The following FHIT variants were observed in gnomAD, a reference collection of about 807,000 sequenced individuals.
The protein encoded by FHIT is bis(5'-adenosyl)-triphosphatase.
Under a neutral mutation model 17.9 loss-of-function variants are expected in FHIT, and 19 were observed. That is an observed-to-expected ratio of 1.06 (90% confidence interval 0.74 to 1.56). The LOEUF is 1.56. Among genes scored for constraint, FHIT ranks in the 40% most tolerant of loss-of-function variants. The pLI, the probability that FHIT is intolerant of heterozygous loss-of-function variation, is 0.00. For missense variants in FHIT, 248 were observed against 189.2 expected (o/e 1.31, Z -1.82); for synonymous variants, 81 against 69.7 (o/e 1.16, Z -0.81).
intron 4 of FHIT, among the ~76,000 whole-genome samples, chr3:60,670,349 G>A (rs2040478792): frequency 6.6e-6 from 1 of 152,138 alleles, no homozygotes; most frequent in Non-Finnish European, 1.5e-5. Flanking sequence ...AGTGAATGAG[G>A]CACTTTCCTC....
At chr3:60,425,866 A>G (rs1702644180) in intron 5 of FHIT, among the ~76,000 whole-genome samples, 1 of 152,114 alleles carries the variant, frequency 6.6e-6, no homozygotes, top group African/African-American at 2.4e-5. Context: ...ATTTATTGAT[A>G]GCCATCCCAT....
At chr3:59,909,572 C>T (rs377761840) in intron 8 of FHIT, among the ~76,000 whole-genome samples, 18 of 152,270 alleles carry the variant, frequency 1.2e-4, no homozygotes, top group Non-Finnish European at 1.8e-4. Flanking sequence ...TCAAGTGATC[C>T]GTCCGCCTCT....
chr3:60,124,065 G>C (rs112362796), intron 5 of FHIT, among the ~76,000 whole-genome samples: 3,961 of 107,604 alleles, frequency 0.037, 276 homozygotes, highest in African/African-American at 0.12. Flanking sequence ...GACAGAGAGA[G>C]AGAGAGATAC....
chr3:60,187,483 G>A (rs539707973), intron 5 of FHIT, among the ~76,000 whole-genome samples: 2 of 152,240 alleles, frequency 1.3e-5, no homozygotes, highest in East Asian at 1.9e-4. Context: ...TGTGAAACAC[G>A]CAATGTAAAG....
chr3:60,012,263 G>GTTT (rs1416490274), intron 6 of FHIT, among the ~76,000 whole-genome samples: 6 of 118,960 alleles, frequency 5.0e-5, no homozygotes, highest in South Asian at 2.7e-4. Context: ...TGTTTTTTTT[G>GTTT]TTGTTTTTTT....
chr3:60,384,649 A>G (rs1451165692), intron 5 of FHIT, among the ~76,000 whole-genome samples: 3 of 152,118 alleles, frequency 2.0e-5, no homozygotes, highest in East Asian at 3.9e-4. Context: ...CACTCACATA[A>G]AAACTGCCAA....
chr3:60,359,981 C>CTT (rs368086333), intron 5 of FHIT, among the ~76,000 whole-genome samples: 6 of 132,920 alleles, frequency 4.5e-5, no homozygotes, highest in South Asian at 2.4e-4. Flanking sequence ...ACATTCAAGA[C>CTT]TTTTTTTTTT....
At chr3:61,130,877 TA>T (rs2036743148) in intron 2 of FHIT, among the ~76,000 whole-genome samples, 1 of 152,196 alleles carries the variant, frequency 6.6e-6, no homozygotes, top group Non-Finnish European at 1.5e-5. Flanking sequence ...ATAAGACACT[TA>T]ACCCTTTGGG....
chr3:60,322,848 G>A (rs1327490954), intron 5 of FHIT, among the ~76,000 whole-genome samples: 4 of 152,104 alleles, frequency 2.6e-5, no homozygotes, highest in Non-Finnish European at 5.9e-5. Flanking sequence ...TATAAAAGAT[G>A]ATCAGAGGAA....
intron 5 of FHIT, among the ~76,000 whole-genome samples, chr3:60,249,562 G>A (rs1198408178): frequency 2.6e-5 from 4 of 151,668 alleles, no homozygotes; most frequent in Non-Finnish European, 5.9e-5. Flanking sequence ...GTTATCAGAA[G>A]AGCCTTTCCA....
At chr3:59,880,882 T>A (rs144583894) in intron 8 of FHIT, among the ~76,000 whole-genome samples, 2 of 152,172 alleles carry the variant, frequency 1.3e-5, no homozygotes, top group African/African-American at 4.8e-5. Context: ...TTCCATATTC[T>A]CAGACTACAT....
At chr3:60,187,024 A>C (rs1346570288) in intron 5 of FHIT, among the ~76,000 whole-genome samples, 2 of 152,170 alleles carry the variant, frequency 1.3e-5, no homozygotes, top group Non-Finnish European at 2.9e-5. Context: ...ATCAAAACTG[A>C]AATAGCTCGT....
chr3:60,169,964 A>ACCC (rs1443902873), intron 5 of FHIT, among the ~76,000 whole-genome samples: 1 of 152,216 alleles, frequency 6.6e-6, no homozygotes, highest in Non-Finnish European at 1.5e-5. Flanking sequence ...ACAATGTAGC[A>ACCC]CATGGAATGG....
At chr3:59,815,278 G>T (rs1046468884) in intron 8 of FHIT, among the ~76,000 whole-genome samples, 3 of 152,058 alleles carry the variant, frequency 2.0e-5, no homozygotes, top group Admixed American at 6.6e-5. Context: ...CTATAGCCTG[G>T]TGGGAATGTC....
At chr3:59,909,845 C>A (rs906211131) in intron 8 of FHIT, among the ~76,000 whole-genome samples, 23 of 152,162 alleles carry the variant, frequency 1.5e-4, no homozygotes, top group African/African-American at 5.6e-4. Flanking sequence ...TTCACATTAT[C>A]AAATTATTGC....
intron 3 of FHIT, among the ~76,000 whole-genome samples, chr3:61,027,690 A>G (rs990531366): frequency 1.3e-5 from 2 of 152,190 alleles, no homozygotes; most frequent in African/African-American, 2.4e-5. Context: ...ATTATAAACT[A>G]TCATACAATA....
At chr3:61,008,177 C>T (rs1329424311) in intron 3 of FHIT, among the ~76,000 whole-genome samples, 2 of 152,138 alleles carry the variant, frequency 1.3e-5, no homozygotes, top group African/African-American at 4.8e-5. Flanking sequence ...AACAGACAGG[C>T]ATACAAATGG....
intron 5 of FHIT, among the ~76,000 whole-genome samples, chr3:60,369,241 G>A (rs1700228832): frequency 6.6e-6 from 1 of 152,036 alleles, no homozygotes; most frequent in Non-Finnish European, 1.5e-5. Flanking sequence ...CACAGTGCTG[G>A]AATTAGAGGC....
chr3:59,924,021 C>T (rs889460475), intron 7 of FHIT, among the ~76,000 whole-genome samples: 3 of 152,096 alleles, frequency 2.0e-5, no homozygotes, highest in African/African-American at 7.2e-5. Flanking sequence ...ACAAAGATTA[C>T]GTGAGCATGG....
Sources: allele counts gnomAD v4.1 joint callset (sites outside exome capture counted in the v4.1 genomes callset), GRCh38; gene constraint gnomAD v4.1.1; transcripts MANE v1.5; gene names NCBI Gene and HGNC (gene_info 2026-07-23, HGNC 2026-07-21).